NTNG1: variants seen among roughly 807,000 people sequenced by gnomAD.
The protein encoded by NTNG1 is netrin G1.
A neutral mutation model predicts 54.0 loss-of-function variants in NTNG1; 16 were observed. The ratio of observed to expected loss-of-function variants is 0.30; its 90% CI spans 0.20 to 0.45. The LOEUF is 0.45. NTNG1 is among the 20% of genes least tolerant of loss of function. NTNG1 has a pLI of 1.00. For missense variants in NTNG1, 530 were observed against 678.7 expected, an observed-to-expected ratio of 0.78 and a Z score of 2.43; for synonymous variants, 255 against 263.1, an observed-to-expected ratio of 0.97 and a Z score of 0.30.
At chr1:107,297,865 GCAATAAAAGATGACATTGT>G (rs1666079670) in intron 2 of NTNG1, among the ~76,000 whole-genome samples, 1 of 152,014 alleles carries the variant, frequency 6.6e-6, no homozygotes, top group Admixed American at 6.6e-5. Context: ...TATTCCTAAT[GCAATAAAAGATGACATTGT>G]CTCTATTGAG....
At chr1:107,344,379 G>T (rs1669097148) in intron 3 of NTNG1, among the ~76,000 whole-genome samples, 1 of 152,110 alleles carries the variant, frequency 6.6e-6, no homozygotes, top group African/African-American at 2.4e-5. Flanking sequence ...TTTTAGGAGA[G>T]GACAGGGCTC....
At chr1:107,401,475 A>G (rs1292697376) in intron 4 of NTNG1, among the ~76,000 whole-genome samples, 1 of 152,174 alleles carries the variant, frequency 6.6e-6, no homozygotes, top group Non-Finnish European at 1.5e-5. Flanking sequence ...CACATATATT[A>G]CAACAATACC....
At chr1:107,248,343 T>A (rs1570952287) in intron 2 of NTNG1, among the ~76,000 whole-genome samples, 1 of 152,176 alleles carries the variant, frequency 6.6e-6, no homozygotes, top group African/African-American at 2.4e-5. Context: ...TGCTATTGGG[T>A]TCACCTATGT....
chr1:107,419,836 C>A lies in NTNG1; in HGVS notation c.1088-10914C>A, dbSNP rs374828488. Among the ~76,000 whole-genome samples the A allele has an allele frequency of 2.3e-4, 35 of 152,062 alleles. 1 individual carries two copies. Among genetic ancestry groups the A allele is most frequent in the East Asian group, 1.9e-3 (10 of 5,160 alleles). ...CAGTCCTTGATCAGAGTGATGAAATCTAGACTGTCCTAGATACATATATTA... is the reference window on the plus strand; with the variant it reads ...CAGTCCTTGATCAGAGTGATGAAATATAGACTGTCCTAGATACATATATTA... On this transcript the variant is annotated intron_variant, in intron 5 of 7. Coordinates refer to ENST00000370068, the MANE Select transcript of NTNG1 (RefSeq NM_001113226.3).
intron 2 of NTNG1, among the ~76,000 whole-genome samples, chr1:107,246,862 C>G (rs917419036): frequency 6.6e-6 from 1 of 152,054 alleles, no homozygotes; most frequent in Non-Finnish European, 1.5e-5. Context: ...ATACAACACC[C>G]ATATGTAAAT....
At chr1:107,226,448 T>C (rs918015450) in intron 2 of NTNG1, among the ~76,000 whole-genome samples, 31 of 152,292 alleles carry the variant, frequency 2.0e-4, no homozygotes, top group African/African-American at 6.5e-4. Context: ...TATGCGACAA[T>C]AGTTTTATTA....
intron 2 of NTNG1, among the ~76,000 whole-genome samples, chr1:107,299,015 A>T (rs1416355211): frequency 6.6e-6 from 1 of 152,192 alleles, no homozygotes; most frequent in Non-Finnish European, 1.5e-5. Context: ...GCCTTGGGTT[A>T]TGGGTACATT....
chr1:107,466,440 GA>G (rs1677615491), intron 7 of NTNG1, among the ~76,000 whole-genome samples: 1 of 152,192 alleles, frequency 6.6e-6, no homozygotes, highest in Non-Finnish European at 1.5e-5. Context: ...CAGCAAAGAA[GA>G]AAGCAGTCAA....
chr1:107,417,571 C>T (rs1035419641), intron 5 of NTNG1, among the ~76,000 whole-genome samples: 3 of 152,046 alleles, frequency 2.0e-5, no homozygotes, highest in African/African-American at 4.8e-5. Context: ...ACAATTTTAA[C>T]TGGCAATATT....
chr1:107,291,007 G>A (rs998472208), intron 2 of NTNG1, among the ~76,000 whole-genome samples: 10 of 134,494 alleles, frequency 7.4e-5, no homozygotes, highest in South Asian at 2.4e-4. Context: ...ACATACACAC[G>A]CATATATATG....
intron 3 of NTNG1, among the ~76,000 whole-genome samples, chr1:107,327,451 T>A (rs567531193): frequency 2.6e-5 from 4 of 152,156 alleles, no homozygotes; most frequent in Non-Finnish European, 5.9e-5. Context: ...GTAAGATTAA[T>A]GGTCTAGATT....
chr1:107,190,233 T>A lies in NTNG1; in HGVS notation c.246+41394T>A, dbSNP rs556046552. 4.3e-4 allele frequency among the ~76,000 whole-genome samples: 66 copies of A among 152,192 alleles called. 2 individuals carry two copies. The South Asian group carries it at 0.013, about 31-fold the overall frequency. On this transcript the variant is annotated intron_variant, in intron 2 of 7. Transcript: ENST00000370068. ...GGAAAATAACGTTTCGGAGAAGGAT[T>A]GTGGTAATGGTTGCAAAGCAATGTT...
At chr1:107,342,599 A>G (rs1456050212) in intron 3 of NTNG1, among the ~76,000 whole-genome samples, 3 of 152,120 alleles carry the variant, frequency 2.0e-5, no homozygotes, top group Admixed American at 6.6e-5. Context: ...GAATGTGGTG[A>G]ACCTACTTTG....
In NTNG1 at chr1:107,480,750, C is replaced by G; in HGVS notation, c.1530C>G (p.Ser510=). The G allele has an allele frequency of 6.2e-7, 1 of 1,607,992 alleles. No individual in the cohort carries two copies. Among genetic ancestry groups the G allele is most frequent in the Non-Finnish European group, 8.5e-7 (1 of 1,178,668 alleles). ...GCGAGGAGGCTGGCAGCTGCGGCTCCGACTCTGGCCAGGGCGCGCCCCCGC... is the reference window on the plus strand; with the variant it reads ...GCGAGGAGGCTGGCAGCTGCGGCTCGGACTCTGGCCAGGGCGCGCCCCCGC... The part of the protein sequence containing the change: ...LRCEEAGSCG[S]DSGQGAPPHG... Residue 510 remains serine (S), a synonymous_variant, in exon 8 of 8, where the codon TCC becomes TCG. Coordinates refer to ENST00000370068, the MANE Select transcript of NTNG1 (RefSeq NM_001113226.3).
chr1:107,308,441 T>G (rs957849482), intron 2 of NTNG1, among the ~76,000 whole-genome samples: 2 of 152,164 alleles, frequency 1.3e-5, no homozygotes, highest in Admixed American at 1.3e-4. Flanking sequence ...TTGTCAGCTG[T>G]GGCAAAGATC....
chr1:107,455,025 G>A (rs1676856816), intron 7 of NTNG1, among the ~76,000 whole-genome samples: 1 of 152,104 alleles, frequency 6.6e-6, no homozygotes, highest in South Asian at 2.1e-4. Context: ...GCAAGAATGA[G>A]GAAGACTCTT....
intron 2 of NTNG1, among the ~76,000 whole-genome samples, chr1:107,260,623 G>A (rs1663250564): frequency 6.6e-6 from 1 of 152,134 alleles, no homozygotes; most frequent in Admixed American, 6.6e-5. Context: ...TGTGTTTCAA[G>A]AACACATTAC....
chr1:107,157,066 T>TA (rs1288197656), intron 2 of NTNG1, among the ~76,000 whole-genome samples: 4 of 152,170 alleles, frequency 2.6e-5, no homozygotes, highest in African/African-American at 9.6e-5. Context: ...AAACAGAGCT[T>TA]ACACTTTCTA....
intron 2 of NTNG1, among the ~76,000 whole-genome samples, chr1:107,297,552 C>T (rs1004948964): frequency 5.9e-5 from 9 of 152,032 alleles, no homozygotes; most frequent in Non-Finnish European, 1.2e-4. Flanking sequence ...CTGGAATCTG[C>T]ATTCTTAAAC....
Sources: allele counts gnomAD v4.1 joint callset (sites outside exome capture counted in the v4.1 genomes callset), GRCh38; gene constraint gnomAD v4.1.1; transcripts MANE v1.5; gene names NCBI Gene and HGNC (gene_info 2026-07-23, HGNC 2026-07-21).